TOX: variants seen among roughly 807,000 people sequenced by gnomAD.
TOX encodes thymocyte selection associated high mobility group box, also known as thymocyte selection-associated high mobility group box protein TOX.
A neutral mutation model predicts 53.7 loss-of-function variants in TOX; 11 were observed. The ratio of observed to expected loss-of-function variants is 0.20; its 90% CI spans 0.13 to 0.34. The LOEUF (loss-of-function observed/expected upper bound fraction) is 0.34, where lower values mean the gene tolerates loss of function less well. TOX is among the 10% of genes least tolerant of loss of function. The pLI is 1.00. For synonymous variants in TOX, 225 were observed against 245.3 expected (o/e 0.92, Z 0.77); for missense variants, 570 against 664.6 (o/e 0.86, Z 1.56).
At chr8:58,994,370 T>A (rs910382693) in intron 1 of TOX, among the ~76,000 whole-genome samples, 2 of 151,244 alleles carry the variant, frequency 1.3e-5, no homozygotes, top group South Asian at 4.2e-4. Flanking sequence ...CCCTATTTAG[T>A]TTATAGCTTT....
intron 1 of TOX, among the ~76,000 whole-genome samples, chr8:58,982,426 A>G (rs1034607738): frequency 6.6e-6 from 1 of 152,206 alleles, no homozygotes; most frequent in African/African-American, 2.4e-5. Flanking sequence ...CCTGCTGGAC[A>G]TCTTCATCAA....
chr8:58,999,455 C>T (rs898329713), intron 1 of TOX, among the ~76,000 whole-genome samples: 1 of 151,614 alleles, frequency 6.6e-6, no homozygotes, highest in East Asian at 1.9e-4. Flanking sequence ...AAACTAAATA[C>T]AAGGGTTGAA....
chr8:59,115,090 G>A (rs1218709372), intron 1 of TOX, among the ~76,000 whole-genome samples: 2 of 152,022 alleles, frequency 1.3e-5, no homozygotes, highest in Non-Finnish European at 2.9e-5. Flanking sequence ...CCAGCATGAA[G>A]CATGGGTTTG....
intron 1 of TOX, among the ~76,000 whole-genome samples, chr8:59,087,158 T>C (rs1361695818): frequency 6.6e-6 from 1 of 152,208 alleles, no homozygotes; most frequent in African/African-American, 2.4e-5. Context: ...ATATCTAAAC[T>C]GAAAGACCTT....
chr8:59,047,383 A>AT (rs939203508), intron 1 of TOX, among the ~76,000 whole-genome samples: 185 of 147,654 alleles, frequency 1.3e-3, no homozygotes, highest in African/African-American at 4.0e-3. Flanking sequence ...CGCCCAGCTA[A>AT]TTTTTTTTTT....
At chr8:59,099,884 G>A (rs1804775260) in intron 1 of TOX, among the ~76,000 whole-genome samples, 1 of 152,100 alleles carries the variant, frequency 6.6e-6, no homozygotes, top group Admixed American at 6.6e-5. Context: ...GACTCTCAAA[G>A]ACCCTAAGAA....
At chr8:58,815,021 C>T (rs897384233) in intron 7 of TOX, among the ~76,000 whole-genome samples, 9 of 152,130 alleles carry the variant, frequency 5.9e-5, no homozygotes, top group African/African-American at 2.2e-4. Context: ...AACAAATGTA[C>T]TTTACTCAAG....
intron 3 of TOX, among the ~76,000 whole-genome samples, chr8:58,857,918 T>C (rs1193694607): frequency 6.6e-6 from 1 of 152,070 alleles, no homozygotes; most frequent in East Asian, 1.9e-4. Context: ...TACAGGCATG[T>C]GCCACAACAC....
At chr8:59,024,335 G>A (rs1814196825) in intron 1 of TOX, among the ~76,000 whole-genome samples, 2 of 152,096 alleles carry the variant, frequency 1.3e-5, no homozygotes, top group Non-Finnish European at 2.9e-5. Context: ...TGTAATCAAC[G>A]CTTTACTAAA....
At chr8:58,907,212 G>A (rs549719347) in intron 3 of TOX, among the ~76,000 whole-genome samples, 1 of 152,176 alleles carries the variant, frequency 6.6e-6, no homozygotes, top group African/African-American at 2.4e-5. Context: ...AGGTCCCCTG[G>A]AAATGTCCCA....
Position 58,939,483 on chromosome 8 carries a change from G to C in TOX, c.230C>G (p.Ser77Cys). The C allele has an allele frequency of 6.2e-6, 10 of 1,614,202 alleles. No homozygotes were observed. The highest frequency in any genetic ancestry group is 1.3e-5 in the African/African-American group (1 of 75,062). Residue 77 changes from serine (S) to cysteine (C), a missense_variant, in exon 3 of 9, where the codon TCC (serine) becomes TGC (cysteine). Physicochemically the swap from Ser to Cys is moderately radical, Grantham distance 112. This residue lies in a region of TOX where 282 missense variants were observed against 315.0 expected (regional missense o/e 0.90). Coordinates refer to ENST00000361421, the MANE Select transcript of TOX (RefSeq NM_014729.3). ...DFNIPPITPP[S>C]LPDHSLVHLN... ...GTGCACCAGCGAGTGGTCTGGGAGG[G>C]AAGGAGGAGTAATTGGTGGAATGTT...
chr8:59,063,934 G>T (rs1453063125), intron 1 of TOX, among the ~76,000 whole-genome samples: 3 of 152,056 alleles, frequency 2.0e-5, no homozygotes, highest in Non-Finnish European at 4.4e-5. Context: ...GTGTGTTCGT[G>T]TGTGTATATG....
intron 1 of TOX, among the ~76,000 whole-genome samples, chr8:59,027,849 TC>T: frequency 6.6e-6 from 1 of 152,248 alleles, no homozygotes; most frequent in East Asian, 1.9e-4. Flanking sequence ...TGGTAATAGG[TC>T]CTTTCTTGCA....
intron 3 of TOX, among the ~76,000 whole-genome samples, chr8:58,870,795 A>G (rs1811184037): frequency 6.6e-6 from 1 of 152,174 alleles, no homozygotes; most frequent in Admixed American, 6.5e-5. Context: ...AGTCTTTTCA[A>G]AAAATTGGTG....
At chr8:59,054,391 T>C (rs1032294490) in intron 1 of TOX, among the ~76,000 whole-genome samples, 1 of 152,194 alleles carries the variant, frequency 6.6e-6, no homozygotes, top group African/African-American at 2.4e-5. Context: ...TATTCCCAAA[T>C]GTCCGAGATC....
chr8:58,827,327 G>A (rs953546617), intron 5 of TOX, among the ~76,000 whole-genome samples: 1 of 152,088 alleles, frequency 6.6e-6, no homozygotes, highest in African/African-American at 2.4e-5. Flanking sequence ...CAAAAACAAA[G>A]ACAGAATTTA....
intron 1 of TOX, among the ~76,000 whole-genome samples, chr8:59,043,566 C>G (rs1250526632): frequency 6.6e-6 from 1 of 152,012 alleles, no homozygotes; most frequent in Non-Finnish European, 1.5e-5. Flanking sequence ...TCTCTATAGA[C>G]GGTTATAGAA....
rs369865738 is a variant in TOX, at chr8:59,028,300, A to T, written c.103-68292T>A. On this transcript the variant is annotated intron_variant, in intron 1 of 8. Transcript: ENST00000361421. ...GCTAGGCACATATTTCCAAGTCTTA[A>T]TTTAAAACCAATGGCTATAATACGA... Among the ~76,000 whole-genome samples the T allele has an allele frequency of 4.3e-4, 66 of 152,230 alleles. No homozygotes were observed. The East Asian group carries it at 0.011, about 26-fold the overall frequency.
At chr8:58,976,160 T>C (rs1454731142) in intron 1 of TOX, among the ~76,000 whole-genome samples, 1 of 152,214 alleles carries the variant, frequency 6.6e-6, no homozygotes, top group Non-Finnish European at 1.5e-5. Flanking sequence ...TTTGATAGCA[T>C]GCTACCTACA....
Sources: allele counts gnomAD v4.1 joint callset (sites outside exome capture counted in the v4.1 genomes callset), GRCh38; gene constraint gnomAD v4.1.1; regional missense constraint gnomAD v4.1.1; transcripts MANE v1.5; gene names NCBI Gene and HGNC (gene_info 2026-07-23, HGNC 2026-07-21).